The following USO1 variants were observed in gnomAD, a reference collection of about 807,000 sequenced individuals.
USO1 encodes general vesicular transport factor p115.
A neutral mutation model predicts 124.5 loss-of-function variants in USO1; 57 were observed. The observed-to-expected ratio is 0.46, with a 90% CI of 0.37 to 0.57. USO1 has a LOEUF of 0.57. USO1 is among the 20% of genes least tolerant of loss of function. The pLI is 0.00. For synonymous variants in USO1, 369 were observed against 362.8 expected (o/e 1.02, Z -0.19); for missense variants, 900 against 1,040.6 (o/e 0.86, Z 1.86).
chr4:75,790,992 T>C (rs1334608831), intron 12 of USO1, among the ~76,000 whole-genome samples, 195 bp downstream of exon 12: 1 of 152,164 alleles, frequency 6.6e-6, no homozygotes. Context: ...GACCAGAGTT[T>C]GCATTGCAGA....
At chr4:75,739,485 T>C (rs1322038152) in intron 1 of USO1, among the ~76,000 whole-genome samples, 1 of 152,080 alleles carries the variant, frequency 6.6e-6, no homozygotes, top group East Asian at 1.9e-4. Flanking sequence ...AAGTGTGTCC[T>C]TTCATGGTCT....
intron 7 of USO1, among the ~76,000 whole-genome samples, chr4:75,771,394 G>T (rs188161465): frequency 1.3e-5 from 2 of 152,270 alleles, no homozygotes; most frequent in African/African-American, 4.8e-5. Flanking sequence ...GCCACTGAGC[G>T]TGGCTGGAGT....
At chr4:75,725,193 C>A (rs546849644) in intron 1 of USO1, among the ~76,000 whole-genome samples, 1 of 152,198 alleles carries the variant, frequency 6.6e-6, no homozygotes. Context: ...GATGCGCGGC[C>A]GAGCTGGCCC....
At chr4:75,797,511 C>G (rs1577968840) in intron 13 of USO1, among the ~76,000 whole-genome samples, 1 of 134,408 alleles carries the variant, frequency 7.4e-6, no homozygotes, top group Non-Finnish European at 1.5e-5. Context: ...CCTAGTTAAT[C>G]TCACTTTTTT....
chr4:75,773,559 A>G (rs1358485712), intron 7 of USO1, among the ~76,000 whole-genome samples: 1 of 152,014 alleles, frequency 6.6e-6, no homozygotes, highest in Non-Finnish European at 1.5e-5. Flanking sequence ...TTTGGGGAAC[A>G]GTTTTTGGGG....
chr4:75,790,307 T>A (rs1158025266), intron 11 of USO1, 69 bp downstream of exon 11: 3 of 1,509,722 alleles, frequency 2.0e-6, no homozygotes, highest in Non-Finnish European at 2.7e-6. Context: ...GTATCTCATA[T>A]ACACATCTTA....
intron 17 of USO1, 95 bp from the exon 18 acceptor site, chr4:75,804,039 T>C: frequency 5.5e-6 from 8 of 1,465,182 alleles, no homozygotes; most frequent in Non-Finnish European, 7.3e-6. Flanking sequence ...TTTAGCATAC[T>C]GTCCCAAAAT....
At chr4:75,741,049 G>T (rs1453589511) in intron 1 of USO1, among the ~76,000 whole-genome samples, 1 of 152,146 alleles carries the variant, frequency 6.6e-6, no homozygotes. Context: ...CAGTTTTGTT[G>T]TGCAAACATC....
chr4:75,760,510 T>C (rs1055102500), intron 4 of USO1: 21 of 390,848 alleles, frequency 5.4e-5, no homozygotes, highest in Non-Finnish European at 1.4e-5. Context: ...TTTAAGCTCC[T>C]ATTTTACGTG....
intron 22 of USO1, among the ~76,000 whole-genome samples, chr4:75,811,030 C>T (rs748205925): frequency 6.6e-6 from 1 of 152,066 alleles, no homozygotes; most frequent in Non-Finnish European, 1.5e-5. Context: ...AGCTGCCGCA[C>T]CCAGCCACAA....
At chr4:75,762,198 G>C (rs71607332) in intron 4 of USO1, among the ~76,000 whole-genome samples, 2 of 117,064 alleles carry the variant, frequency 1.7e-5, no homozygotes, top group Non-Finnish European at 3.2e-5. Flanking sequence ...TTGAGACAGA[G>C]TCTCACTCTG....
chr4:75,746,350 C>G (rs1024535589), intron 1 of USO1, among the ~76,000 whole-genome samples: 6 of 152,196 alleles, frequency 3.9e-5, no homozygotes, highest in African/African-American at 1.4e-4. Flanking sequence ...GTCATGTGCC[C>G]AGCTAAAGCA....
chr4:75,745,109 C>T (rs2149147518), intron 1 of USO1, among the ~76,000 whole-genome samples: 1 of 152,156 alleles, frequency 6.6e-6, no homozygotes. Flanking sequence ...AATGAGCTGC[C>T]CTGTTCTTTC....
intron 13 of USO1, among the ~76,000 whole-genome samples, chr4:75,794,949 G>T (rs186317872): frequency 2.6e-5 from 4 of 151,912 alleles, no homozygotes; most frequent in Admixed American, 2.6e-4. Context: ...TTATTACTTG[G>T]CATTCTCATG....
chr4:75,801,345 A>G, intron 17 of USO1, 145 bp downstream of exon 17: 6 of 974,196 alleles, frequency 6.2e-6, no homozygotes, highest in Non-Finnish European at 8.3e-6. Context: ...TATTCAACAA[A>G]CAGAGTGCTT....
chr4:75,750,934 T>C (rs1721282326), intron 1 of USO1, among the ~76,000 whole-genome samples: 1 of 152,182 alleles, frequency 6.6e-6, no homozygotes, highest in South Asian at 2.1e-4. Flanking sequence ...TCTGATACTT[T>C]TGCTTTACTG....
chr4:75,790,059 CAAAAAAA>C (rs199899130), intron 10 of USO1, 84 bp from the exon 11 acceptor site: 1 of 850,866 alleles, frequency 1.2e-6, no homozygotes, highest in Non-Finnish European at 1.5e-6. Context: ...AAAAAAAAAA[CAAAAAAA>C]AAAGATTTTT....
intron 4 of USO1, among the ~76,000 whole-genome samples, chr4:75,769,567 G>A (rs1254037696): frequency 6.6e-6 from 1 of 152,094 alleles, no homozygotes; most frequent in Non-Finnish European, 1.5e-5. Context: ...TCACTTAGTG[G>A]AGTACTATAT....
intron 1 of USO1, among the ~76,000 whole-genome samples, chr4:75,744,298 T>C (rs1001699905): frequency 6.6e-6 from 1 of 152,232 alleles, no homozygotes; most frequent in Non-Finnish European, 1.5e-5. Context: ...TTCTTCAGAC[T>C]GTATTATTCC....
Sources: allele counts gnomAD v4.1 joint callset (sites outside exome capture counted in the v4.1 genomes callset), GRCh38; gene constraint gnomAD v4.1.1; transcripts MANE v1.5; gene names NCBI Gene and HGNC (gene_info 2026-07-23, HGNC 2026-07-21).